Variants in INSR observed in about 807,000 individuals in gnomAD.
INSR encodes IR.
INSR carries 67 observed loss-of-function variants against 142.6 expected under a neutral mutation model. The observed-to-expected ratio is 0.47, with a 90% CI of 0.39 to 0.58. INSR has a LOEUF of 0.58. INSR is among the 20% of genes least tolerant of loss of function. INSR has a pLI of 0.00. For synonymous variants in INSR, 756 were observed against 743.1 expected (o/e 1.02, Z -0.28); for missense variants, 1,248 against 1,833.2 (o/e 0.68, Z 5.83).
intron 2 of INSR, among the ~76,000 whole-genome samples, chr19:7,220,576 A>G (rs1975581941): frequency 1.3e-5 from 2 of 152,188 alleles, no homozygotes; most frequent in African/African-American, 4.8e-5. Context: ...AGTGTGAGCC[A>G]CTGTGCCCGG....
chr19:7,125,131 C>T lies in INSR; in HGVS notation c.3258+152G>A, dbSNP rs1972614245. On this transcript the variant is annotated intron_variant, in intron 17 of 21. Coordinates refer to ENST00000302850, the MANE Select transcript of INSR (RefSeq NM_000208.4). This position sits in a 1 kb window ranked among gnomAD's most constrained non-coding sequence, Gnocchi z 4.9. ...GATGGGATTTGAGAAGGGAATGATC[C>T]CTCCTCACACCTCTAGGATGGGAAG... is the stretch of plus-strand genomic sequence containing the variant. The T allele has an allele frequency of 3.4e-6, 3 of 884,512 alleles. No homozygotes were observed. Among genetic ancestry groups the T allele is most frequent in the Non-Finnish European group, 5.4e-6 (3 of 552,478 alleles). 54.8% of individuals were successfully genotyped at this position (884,512 alleles called of 1,614,324 possible). A position where few individuals can be genotyped will look rare whatever the true frequency, so the allele number is the denominator to read the frequency against.
At chr19:7,281,979 C>T (rs1343176000) in intron 1 of INSR, among the ~76,000 whole-genome samples, 1 of 152,176 alleles carries the variant, frequency 6.6e-6, no homozygotes, top group Non-Finnish European at 1.5e-5. Flanking sequence ...CACAAGTCCG[C>T]TTTGAACTCC....
intron 17 of INSR, among the ~76,000 whole-genome samples, chr19:7,124,431 C>T (rs533776783): frequency 2.8e-5 from 4 of 142,476 alleles, no homozygotes; most frequent in East Asian, 4.1e-4. Context: ...CCCAGCTACT[C>T]GGGAGGCTGA....
chr19:7,254,733 C>T (rs1483507382), intron 2 of INSR, among the ~76,000 whole-genome samples: 3 of 152,178 alleles, frequency 2.0e-5, no homozygotes, highest in East Asian at 1.9e-4. Flanking sequence ...CACAGGCGCT[C>T]GCTGACTTCC....
chr19:7,175,644 G>A (rs1452771697), intron 3 of INSR, among the ~76,000 whole-genome samples: 2 of 152,082 alleles, frequency 1.3e-5, no homozygotes, highest in Non-Finnish European at 2.9e-5. Context: ...AGACCAGCCT[G>A]GCCAACATGG....
At chr19:7,169,780 A>T (rs1187997461) in intron 6 of INSR, among the ~76,000 whole-genome samples, 1 of 152,168 alleles carries the variant, frequency 6.6e-6, no homozygotes, top group Non-Finnish European at 1.5e-5. Context: ...TTCATCCATC[A>T]TTCATTCATC....
intron 3 of INSR, among the ~76,000 whole-genome samples, chr19:7,180,217 G>A (rs989763052): frequency 6.6e-6 from 1 of 152,238 alleles, no homozygotes; most frequent in African/African-American, 2.4e-5. Context: ...TTATCATCTG[G>A]TTGGGGAGAG....
Position 7,136,845 on chromosome 19 carries a change from ATATT to A in INSR, c.2683-4532_2683-4529del, listed in dbSNP as rs1038839831. On this transcript the variant is annotated intron_variant, in intron 13 of 21. Transcript: ENST00000302850. Reference sequence around the variant, plus strand: ...TTTATTTACATATATATATATATATATATTGAGATGGTGTCTCACTCTGTCACCC... The same window carrying A: ...TTTATTTACATATATATATATATATAGAGATGGTGTCTCACTCTGTCACCC... Among the ~76,000 whole-genome samples the A allele has an allele frequency of 1.1e-4, 14 of 122,398 alleles. 1 individual carries two copies. Among genetic ancestry groups the A allele is most frequent in the South Asian group, 2.7e-4 (1 of 3,654 alleles). 80.3% of individuals were successfully genotyped at this position (122,398 alleles called of 152,430 possible). A position where few individuals can be genotyped will look rare whatever the true frequency, so the allele number is the denominator to read the frequency against.
Position 7,163,127 on chromosome 19 carries a change from G to A in INSR, c.1934C>T (p.Pro645Leu). The change falls in exon 9 of 22, where the codon CCC (proline) becomes CTC (leucine). Residue 645 changes from proline to leucine, a missense_variant. Coordinates refer to ENST00000302850, the MANE Select transcript of INSR (RefSeq NM_000208.4). Reference protein sequence around the residue: ...SSQIILKWKPPSDPNGNITHY... With the variant: ...SSQIILKWKPLSDPNGNITHY... ...GGTGATGTTGCCATTGGGGTCGGAG[G>A]GTGGTTTCCACTTCAGAATAATCTG... The A allele has an allele frequency of 6.2e-7, 1 of 1,614,028 alleles. No homozygotes were observed. The highest frequency in any genetic ancestry group is 8.5e-7 in the Non-Finnish European group (1 of 1,179,976).
At chr19:7,139,487 A>G (rs1482255840) in intron 13 of INSR, among the ~76,000 whole-genome samples, 1 of 152,202 alleles carries the variant, frequency 6.6e-6, no homozygotes, top group Non-Finnish European at 1.5e-5. Context: ...TCCAAAGGCT[A>G]TTGTGGACAG....
rs34453877 is a variant in INSR, at chr19:7,142,389, C to CAA, written c.2542+425_2542+426dup. 6.2e-3 allele frequency among the ~76,000 whole-genome samples: 260 copies of CAA among 42,052 alleles called. 6 individuals are homozygous for CAA. Among genetic ancestry groups the CAA allele is most frequent in the African/African-American group, 0.021 (209 of 9,834 alleles). The allele number at this position is 42,052 out of a possible 152,430, so 27.6% of individuals were successfully genotyped here. On this transcript the variant is annotated intron_variant, in intron 12 of 21. Coordinates refer to ENST00000302850, the MANE Select transcript of INSR (RefSeq NM_000208.4). The stretch of plus-strand genomic sequence containing the variant: ...TGGGCGACAGAGCAAGACTTCATCT[C>CAA]AAAAAAAAAAAAAAAAAAAAAAAAG...
At chr19:7,123,351 TAG>T (rs1972542977) in intron 17 of INSR, among the ~76,000 whole-genome samples, 1 of 151,812 alleles carries the variant, frequency 6.6e-6, no homozygotes, top group African/African-American at 2.4e-5. Flanking sequence ...GTATTTTTAG[TAG>T]AGACAGGATT....
chr19:7,167,905 C>T (rs1467730794), intron 7 of INSR, 63 bp downstream of exon 7: 5 of 1,607,290 alleles, frequency 3.1e-6, no homozygotes, highest in East Asian at 2.2e-5. Flanking sequence ...GGAGCACAAA[C>T]GTAGCAAGCA....
chr19:7,181,471 C>T (rs1471593963), intron 3 of INSR, among the ~76,000 whole-genome samples: 1 of 152,084 alleles, frequency 6.6e-6, no homozygotes, highest in Non-Finnish European at 1.5e-5. Flanking sequence ...ATTTATTCAT[C>T]ACAAATATCT....
intron 2 of INSR, among the ~76,000 whole-genome samples, chr19:7,206,749 T>C (rs1975114942): frequency 6.6e-6 from 1 of 152,020 alleles, no homozygotes; most frequent in South Asian, 2.1e-4. Context: ...TGAGACCCTG[T>C]CTCAACAACA....
chr19:7,147,432 C>T (rs987805752), intron 11 of INSR, among the ~76,000 whole-genome samples: 2 of 152,138 alleles, frequency 1.3e-5, no homozygotes, highest in East Asian at 3.9e-4. Flanking sequence ...GCCTGGGCCT[C>T]CCAAAGTGCT....
intron 3 of INSR, among the ~76,000 whole-genome samples, chr19:7,178,330 A>G (rs1305779808): frequency 6.8e-6 from 1 of 146,708 alleles, no homozygotes; most frequent in Non-Finnish European, 1.5e-5. Context: ...GGCTTTTAGG[A>G]CCTCCAGGGA....
In INSR at chr19:7,123,193, C is replaced by A. The variant is rs146665691; in HGVS notation, c.3259-204G>T. 1.1e-5 allele frequency: 6 copies of A among 563,532 alleles called. No homozygotes were observed. The Admixed American group carries it at 1.5e-4, about 14-fold the overall frequency. 34.9% of individuals were successfully genotyped at this position (563,532 alleles called of 1,614,324 possible). A position where few individuals can be genotyped will look rare whatever the true frequency, so the allele number is the denominator to read the frequency against. ...ATTTTTTTTTTTTTAATTTTCGAGACGGAATCTTGCTGTTACCCAGGCTAG... is the reference window on the plus strand; with the variant it reads ...ATTTTTTTTTTTTTAATTTTCGAGAAGGAATCTTGCTGTTACCCAGGCTAG... On this transcript the variant is annotated intron_variant, in intron 17 of 21. Coordinates refer to ENST00000302850, the MANE Select transcript of INSR (RefSeq NM_000208.4).
At chr19:7,291,531 G>A (rs551666573) in intron 1 of INSR, among the ~76,000 whole-genome samples, 2 of 152,324 alleles carry the variant, frequency 1.3e-5, no homozygotes, top group South Asian at 4.1e-4. Context: ...GTGCCCCACT[G>A]CAGAACAAAT....
Sources: gnomAD v4.1 joint callset for allele counts (sites outside exome capture counted in the v4.1 genomes callset) on GRCh38, gnomAD v4.1.1 for gene constraint, Gnocchi (gnomAD v3.1) non-coding constraint, MANE v1.5 for transcripts, NCBI Gene and HGNC (gene_info 2026-07-23, HGNC 2026-07-21) for gene names.